Variants in USP50 observed in about 807,000 individuals in gnomAD.
USP50 encodes ubiquitin carboxyl-terminal hydrolase 50.
Under a neutral mutation model 39.2 loss-of-function variants are expected in USP50, and 37 were observed. That is an observed-to-expected ratio of 0.94 (90% CI 0.73 to 1.24). USP50 has a LOEUF of 1.24. Among genes scored for constraint, USP50 ranks in the 50% most tolerant of loss-of-function variants. USP50 has a pLI of 0.00. For missense variants in USP50, 374 were observed against 398.2 expected, an observed-to-expected ratio of 0.94 and a Z score of 0.52; for synonymous variants, 139 against 144.5, an observed-to-expected ratio of 0.96 and a Z score of 0.27.
intron 6 of USP50, among the ~76,000 whole-genome samples, chr15:50,515,350 T>C (rs1596009254): frequency 6.6e-6 from 1 of 151,990 alleles, no homozygotes; most frequent in Non-Finnish European, 1.5e-5. Flanking sequence ...CACGCCATTC[T>C]CCTGCCTCAG....
At chr15:50,535,853 A>T (rs1006824879) in intron 5 of USP50, among the ~76,000 whole-genome samples, 4 of 152,218 alleles carry the variant, frequency 2.6e-5, no homozygotes, top group African/African-American at 9.6e-5. Flanking sequence ...AATCTATCAC[A>T]TAATTAGGTT....
intron 6 of USP50, chr15:50,504,447 C>T (rs1167629055): frequency 1.3e-5 from 2 of 152,264 alleles, no homozygotes; most frequent in African/African-American, 4.8e-5. Context: ...TCACCTGAGC[C>T]CAGGAGGTCG....
intron 5 of USP50, 109 bp downstream of exon 5, chr15:50,538,600 C>A: frequency 1.7e-6 from 2 of 1,167,844 alleles, no homozygotes; most frequent in South Asian, 2.2e-5. Context: ...TGTAATATAC[C>A]AAATATCATT....
intron 6 of USP50, among the ~76,000 whole-genome samples, chr15:50,523,749 T>C (rs184315277): frequency 6.2e-4 from 95 of 152,094 alleles, no homozygotes; most frequent in South Asian, 3.9e-3. Context: ...CTATCAAAAT[T>C]CCAATGAAAA....
chr15:50,517,431 C>T (rs1400983400), intron 6 of USP50, among the ~76,000 whole-genome samples: 2 of 150,970 alleles, frequency 1.3e-5, no homozygotes, highest in African/African-American at 4.9e-5. Flanking sequence ...GAGATCACAC[C>T]ATTGGACTCC....
chr15:50,518,213 CTTTT>C (rs1192328404), intron 6 of USP50, among the ~76,000 whole-genome samples: 7 of 141,230 alleles, frequency 5.0e-5, no homozygotes, highest in African/African-American at 1.8e-4. Context: ...ATTTTTCTTT[CTTTT>C]TCTTTTTTTG....
intron 5 of USP50, among the ~76,000 whole-genome samples, chr15:50,535,792 T>TA (rs1566910555): frequency 6.6e-6 from 1 of 152,146 alleles, no homozygotes; most frequent in Non-Finnish European, 1.5e-5. Context: ...CCTAGCTACA[T>TA]ACCTTTATCC....
chr15:50,532,981 T>C (rs1228882250), intron 5 of USP50, among the ~76,000 whole-genome samples: 1 of 151,672 alleles, frequency 6.6e-6, no homozygotes, highest in African/African-American at 2.4e-5. Context: ...GGAACCTCAG[T>C]AGAAACTTTT....
At position 50,500,682 on chromosome 15, in the gene USP50, G is replaced by C. The variant is rs1453757383; in HGVS notation, c.*87C>G. 7 of 1,315,890 alleles carry C rather than the reference G, an allele frequency of 5.3e-6. No homozygotes were observed. The highest frequency in any genetic ancestry group is 7.5e-6 in the Non-Finnish European group (7 of 935,598). 81.5% of individuals were successfully genotyped at this position (1,315,890 alleles called of 1,614,324 possible). A position where few individuals can be genotyped will look rare whatever the true frequency, so the allele number is the denominator to read the frequency against. On this transcript the variant is annotated 3_prime_UTR_variant, in exon 7 of 7. Transcript: ENST00000532404. ...AACGCTTTTGTATTGGTATGGAAAA[G>C]GGCTGGCAGCTATAGAACAGGAGAT...
chr15:50,530,596 T>TA (rs543432392), intron 5 of USP50, among the ~76,000 whole-genome samples: 25 of 142,642 alleles, frequency 1.8e-4, no homozygotes, highest in Non-Finnish European at 2.8e-4. Context: ...AAATAAAAAA[T>TA]AAAAAAAAAA....
Position 50,500,612 on chromosome 15 carries a change from C to T in USP50, c.*157G>A. The T allele has an allele frequency of 3.3e-6, 2 of 611,272 alleles. No individual in the cohort carries two copies. Among genetic ancestry groups the T allele is most frequent in the South Asian group, 4.2e-5 (2 of 47,678 alleles). 37.9% of individuals were successfully genotyped at this position (611,272 alleles called of 1,614,324 possible). A position where few individuals can be genotyped will look rare whatever the true frequency, so the allele number is the denominator to read the frequency against. Reference sequence around the variant, plus strand: ...GCAAAACTCTACCACCAGATGCTGACTGCTTGTTTTGCAGTGTTCAGGAAA... The same window carrying T: ...GCAAAACTCTACCACCAGATGCTGATTGCTTGTTTTGCAGTGTTCAGGAAA... On this transcript the variant is annotated 3_prime_UTR_variant, in exon 7 of 7. Transcript: ENST00000532404.
At chr15:50,545,408 G>A (rs1490878054) in intron 1 of USP50, among the ~76,000 whole-genome samples, 1 of 151,578 alleles carries the variant, frequency 6.6e-6, no homozygotes, top group East Asian at 1.9e-4. Flanking sequence ...TTACTCATGG[G>A]GTGTGTGGTG....
At chr15:50,498,573 A>G (rs1192689655), downstream of USP50, 14 of 1,589,108 alleles carry the variant, frequency 8.8e-6, no homozygotes, top group African/African-American at 1.6e-4. Flanking sequence ...CTGTCAGTGT[A>G]ATTGTAATGT....
Position 50,541,232 on chromosome 15 carries a change from T to G in USP50, c.477A>C (p.Lys159Asn), listed in dbSNP as rs1321705312. The change falls in exon 4 of 7, where the codon AAA becomes AAC. Residue 159 changes from lysine (K) to asparagine (N), a missense_variant. By Grantham distance (94) the Lys-to-Asn change is moderately conservative (BLOSUM62 0). Coordinates refer to ENST00000532404, the MANE Select transcript of USP50 (RefSeq NM_203494.5). ...TCCTGCAGCATCTCTGAGTAGATCC[T>G]TTCTCATATGATCTTCTCCGGGAGT... ...YHYSRRRSYE[K>N]GSTQRCCRKW... 7 of 1,613,938 alleles carry G rather than the reference T, an allele frequency of 4.3e-6. No individual in the cohort carries two copies. Among genetic ancestry groups the G allele is most frequent in the Non-Finnish European group, 5.9e-6 (7 of 1,179,866 alleles).
At chr15:50,497,086 C>T (rs760551988), downstream of USP50, 5 of 1,581,644 alleles carry the variant, frequency 3.2e-6, no homozygotes, top group Admixed American at 1.9e-5. Context: ...TTTTTTCTGC[C>T]AGGATTGCCT....
Position 50,544,539 on chromosome 15 carries a change from G to C in USP50, c.248+48C>G, listed in dbSNP as rs1407128470. On this transcript the variant is annotated intron_variant, in intron 2 of 6. Transcript: ENST00000532404. ...AGTTCCTTCTCTAACCTCATCTGTGGGGAAGTGGGGGTGGGGGCTGGGCTG... is the reference window on the plus strand; with the variant it reads ...AGTTCCTTCTCTAACCTCATCTGTGCGGAAGTGGGGGTGGGGGCTGGGCTG... 3 of 1,549,922 alleles carry C rather than the reference G, an allele frequency of 1.9e-6. No individual in the cohort carries two copies. In the East Asian group the frequency reaches 6.9e-5, roughly 36 times the overall value.
At chr15:50,497,338 G>A (rs2052455949), downstream of USP50, 33 of 1,365,020 alleles carry the variant, frequency 2.4e-5, no homozygotes, top group Non-Finnish European at 3.1e-5. Context: ...CATAACAAAG[G>A]GCGATTATCT....
Position 50,495,482 on chromosome 15 carries a change from T to TTG in USP50, n.185-1354_185-1353dup, listed in dbSNP as rs1386654889. The stretch of plus-strand genomic sequence containing the variant: ...TAGCTTTTTCTTTTTTTAGTAGAGA[T>TTG]TGGAGGGGGGGGTCTCACTATGTTG... On this transcript the variant is annotated intron_variant and non_coding_transcript_variant, in intron 1 of 1. Coordinates refer to the USP50 transcript ENST00000560159. Among the ~76,000 whole-genome samples the TTG allele has an allele frequency of 1.4e-4, 15 of 104,956 alleles. 1 individual carries two copies. Among genetic ancestry groups the TTG allele is most frequent in the Admixed American group, 3.9e-4 (3 of 7,760 alleles). The allele number at this position is 104,956 out of a possible 152,430, so 68.9% of individuals were successfully genotyped here.
At chr15:50,507,740 T>G (rs2052681141) in intron 6 of USP50, 1 of 152,080 alleles carries the variant, frequency 6.6e-6, no homozygotes, top group African/African-American at 2.4e-5. Context: ...AGTATCTGAC[T>G]CCTGAAATAG....
Sources: allele counts gnomAD v4.1 joint callset (sites outside exome capture counted in the v4.1 genomes callset), GRCh38; gene constraint gnomAD v4.1.1; transcripts MANE v1.5; gene names NCBI Gene and HGNC (gene_info 2026-07-23, HGNC 2026-07-21).